The following C12orf56 variants were observed in gnomAD, a reference collection of about 807,000 sequenced individuals.
C12orf56 encodes uncharacterized protein C12orf56.
C12orf56 carries 71 observed loss-of-function variants against 69.9 expected under a neutral mutation model. The ratio of observed to expected loss-of-function variants is 1.02; its 90% CI spans 0.84 to 1.24. C12orf56 has a LOEUF of 1.24. C12orf56 is among the 50% of genes most tolerant of loss of function. The probability of loss-of-function intolerance (pLI) is 0.00; values close to 1 mark genes in which losing one functional copy is unlikely to be tolerated. For missense variants in C12orf56, 732 were observed against 738.5 expected, an observed-to-expected ratio of 0.99 and a Z score of 0.10; for synonymous variants, 276 against 274.1, an observed-to-expected ratio of 1.01 and a Z score of -0.07.
intron 3 of C12orf56, 33 bp from the exon 4 acceptor site, chr12:64,319,013 T>C (rs2038732828): frequency 7.0e-7 from 1 of 1,428,528 alleles, no homozygotes; most frequent in Non-Finnish European, 9.1e-7. Flanking sequence ...AAACATGACA[T>C]GCAAAATTTC....
intron 9 of C12orf56, among the ~76,000 whole-genome samples, chr12:64,277,416 C>A (rs2038065710): frequency 6.6e-6 from 1 of 151,986 alleles, no homozygotes; most frequent in Non-Finnish European, 1.5e-5. Context: ...TAATTACTTT[C>A]TTTAATATAC....
chr12:64,328,693 AAAAAAAAAAAAAAATATATATAT>A (rs1368363605), intron 3 of C12orf56, among the ~76,000 whole-genome samples: 41 of 21,048 alleles, frequency 1.9e-3, no homozygotes, highest in African/African-American at 4.7e-3. Flanking sequence ...AAAAAAAAAA[AAAAAAAAAAAAAAATATATATAT>A]ATATATATAT....
intron 1 of C12orf56, among the ~76,000 whole-genome samples, chr12:64,370,417 G>A (rs141217971): frequency 0.047 from 7,119 of 151,854 alleles, 555 homozygotes; most frequent in African/African-American, 0.16. Flanking sequence ...TTCAGAGGCC[G>A]AGGCAGGAGG....
At chr12:64,285,497 A>G (rs1433174635) in intron 7 of C12orf56, among the ~76,000 whole-genome samples, 2 of 152,110 alleles carry the variant, frequency 1.3e-5, no homozygotes, top group African/African-American at 2.4e-5. Context: ...CTTAAAATCC[A>G]CAGGAAGAGA....
chr12:64,294,124 A>G (rs2038332517), intron 6 of C12orf56, among the ~76,000 whole-genome samples: 1 of 152,214 alleles, frequency 6.6e-6, no homozygotes, highest in East Asian at 1.9e-4. Flanking sequence ...ACTCAAAAGT[A>G]CAATGAGATA....
intron 1 of C12orf56, among the ~76,000 whole-genome samples, chr12:64,372,082 C>T (rs2039579965): frequency 6.6e-6 from 1 of 151,938 alleles, no homozygotes; most frequent in African/African-American, 2.4e-5. Context: ...CACCTAGCCA[C>T]TTACACAGTA....
At chr12:64,346,623 A>C (rs2039146554) in intron 2 of C12orf56, among the ~76,000 whole-genome samples, 1 of 152,130 alleles carries the variant, frequency 6.6e-6, no homozygotes, top group Non-Finnish European at 1.5e-5. Flanking sequence ...GTCCCTCTCC[A>C]TCCCAGGAGG....
intron 2 of C12orf56, among the ~76,000 whole-genome samples, chr12:64,339,893 G>C (rs995003268): frequency 1.3e-5 from 2 of 151,928 alleles, no homozygotes; most frequent in Non-Finnish European, 1.5e-5. Flanking sequence ...CAGAATTAAT[G>C]GAATAAATAT....
At chr12:64,317,148 G>A (rs2038700239) in intron 4 of C12orf56, among the ~76,000 whole-genome samples, 2 of 152,008 alleles carry the variant, frequency 1.3e-5, no homozygotes, top group Non-Finnish European at 2.9e-5. Flanking sequence ...TAAAAATTTA[G>A]AAAGGAATTT....
At position 64,265,924 on chromosome 12, in the gene C12orf56, A is replaced by G. The variant is rs1384254004; in HGVS notation, c.*1259T>C. On this transcript the variant is annotated 3_prime_UTR_variant, in exon 13 of 13. Coordinates refer to ENST00000543942, the MANE Select transcript of C12orf56 (RefSeq NM_001170633.2). ...AGCCATAACTGCTCGTAGACAATTT[A>G]TCTTTCATAGAGACTCTATGGGACT... 2.0e-5 allele frequency: 3 copies of G among 152,244 alleles called. No individual in the cohort carries two copies. The highest frequency in any genetic ancestry group is 2.9e-5 in the Non-Finnish European group (2 of 68,034). 9.4% of individuals were successfully genotyped at this position (152,244 alleles called of 1,614,324 possible). A position where few individuals can be genotyped will look rare whatever the true frequency, so the allele number is the denominator to read the frequency against.
intron 4 of C12orf56, among the ~76,000 whole-genome samples, chr12:64,317,553 A>G (rs1430522975): frequency 6.6e-6 from 1 of 152,110 alleles, no homozygotes; most frequent in African/African-American, 2.4e-5. Flanking sequence ...TGAGGTCGGG[A>G]GTTCGAGACC....
At chr12:64,327,778 T>C (rs887263288) in intron 3 of C12orf56, among the ~76,000 whole-genome samples, 2 of 152,228 alleles carry the variant, frequency 1.3e-5, no homozygotes, top group Non-Finnish European at 2.9e-5. Context: ...AATTCTGTCT[T>C]AGTTTTTTTG....
intron 4 of C12orf56, among the ~76,000 whole-genome samples, chr12:64,313,965 C>T (rs1189092164): frequency 6.7e-6 from 1 of 148,508 alleles, no homozygotes; most frequent in Non-Finnish European, 1.5e-5. Context: ...ATCGCTTGAA[C>T]CTGGGAGGCA....
chr12:64,332,881 T>C (rs1205571984), intron 2 of C12orf56, among the ~76,000 whole-genome samples: 1 of 152,214 alleles, frequency 6.6e-6, no homozygotes, highest in African/African-American at 2.4e-5. Context: ...TATTTGGCCC[T>C]TTTGCTTCCC....
At chr12:64,307,292 T>C (rs1354091856) in intron 5 of C12orf56, among the ~76,000 whole-genome samples, 2 of 151,832 alleles carry the variant, frequency 1.3e-5, no homozygotes, top group African/African-American at 4.8e-5. Flanking sequence ...CTAAATAAAA[T>C]GAATACTTTC....
Position 64,386,380 on chromosome 12 carries a change from ATT to A in C12orf56, c.252+3932_252+3933del, listed in dbSNP as rs1277772663. ...AGGTGTGTGCTACCACTGCTGGCTA[ATT>A]TTTATATATATATATATTTTTTTTT... is the stretch of plus-strand genomic sequence containing the variant. On this transcript the variant is annotated intron_variant, in intron 1 of 12. Transcript: ENST00000543942. 4.5e-4 allele frequency among the ~76,000 whole-genome samples: 50 copies of A among 111,952 alleles called. 1 individual carries two copies. Among genetic ancestry groups the A allele is most frequent in the African/African-American group, 2.0e-3 (50 of 25,152 alleles). The allele number at this position is 111,952 out of a possible 152,430, so 73.4% of individuals were successfully genotyped here. A position where few individuals can be genotyped will look rare whatever the true frequency, so the allele number is the denominator to read the frequency against.
At chr12:64,293,613 A>C (rs142237018) in intron 6 of C12orf56, among the ~76,000 whole-genome samples, 83 of 152,382 alleles carry the variant, frequency 5.4e-4, no homozygotes, top group South Asian at 5.0e-3. Context: ...CACATAGCAC[A>C]TAACAAGTGT....
intron 6 of C12orf56, among the ~76,000 whole-genome samples, chr12:64,287,257 A>AG (rs1397910897): frequency 7.7e-5 from 11 of 142,826 alleles, no homozygotes; most frequent in Middle Eastern, 3.6e-3. Flanking sequence ...AAAAAAAAAA[A>AG]AAAAAAGAAG....
At chr12:64,289,356 A>G (rs61933485) in intron 6 of C12orf56, among the ~76,000 whole-genome samples, 52 of 126,226 alleles carry the variant, frequency 4.1e-4, no homozygotes, top group Non-Finnish European at 3.6e-4. Context: ...TCTCCTGCCT[A>G]ATTGCCCTGG....
Sources: allele counts gnomAD v4.1 joint callset (sites outside exome capture counted in the v4.1 genomes callset), GRCh38; gene constraint gnomAD v4.1.1; transcripts MANE v1.5; gene names NCBI Gene and HGNC (gene_info 2026-07-23, HGNC 2026-07-21).